PRR16: variants seen among roughly 807,000 people sequenced by gnomAD.
PRR16 encodes the protein protein Largen.
PRR16 carries 6 observed loss-of-function variants against 18.2 expected under a neutral mutation model. The observed-to-expected ratio is 0.33, with a 90% CI of 0.18 to 0.65. The LOEUF is 0.65. Ranked by LOEUF, PRR16 falls within the 30% of genes least tolerant of loss-of-function variation. The pLI is 0.74. For missense variants in PRR16, 412 were observed against 376.6 expected, an observed-to-expected ratio of 1.09 and a Z score of -0.78; for synonymous variants, 151 against 147.8, an observed-to-expected ratio of 1.02 and a Z score of -0.16.
At chr5:120,675,657 A>C (rs1214034203) in intron 1 of PRR16, among the ~76,000 whole-genome samples, 1 of 152,180 alleles carries the variant, frequency 6.6e-6, no homozygotes, top group African/African-American at 2.4e-5. Flanking sequence ...AGATGATCTG[A>C]GGAGGAAGAC....
chr5:120,505,280 T>C (rs1026197965), intron 1 of PRR16, among the ~76,000 whole-genome samples: 5 of 152,176 alleles, frequency 3.3e-5, no homozygotes, highest in African/African-American at 1.2e-4. Flanking sequence ...AGAAACAATT[T>C]CTAATGCATT....
chr5:120,686,453 G>A lies in PRR16; in HGVS notation c.659G>A (p.Cys220Tyr). 3 of 1,614,126 alleles carry A rather than the reference G, an allele frequency of 1.9e-6. No homozygotes were observed. In the South Asian group the frequency reaches 3.3e-5, roughly 18 times the overall value. Residue 220 changes from cysteine to tyrosine, a missense_variant, in exon 2 of 2, where the codon TGT becomes TAT. Coordinates refer to ENST00000407149, the MANE Select transcript of PRR16 (RefSeq NM_001300783.2). The stretch of plus-strand genomic sequence containing the variant: ...CAGTACCATGGCTATTGTCCTGACT[G>A]TGATACCCGGTATAACATAAAAAAC... ...KVQYHGYCPD[C>Y]DTRYNIKNRE...
chr5:120,625,814 TG>T (rs113108426), intron 1 of PRR16, among the ~76,000 whole-genome samples: 35,453 of 151,974 alleles, frequency 0.23, 5,640 homozygotes, highest in African/African-American at 0.45. Context: ...CGTGATGATC[TG>T]GTGCGTAGTT....
At chr5:120,582,935 T>A (rs1225371892) in intron 1 of PRR16, among the ~76,000 whole-genome samples, 1 of 152,142 alleles carries the variant, frequency 6.6e-6, no homozygotes, top group African/African-American at 2.4e-5. Context: ...TCTCTAACAG[T>A]TTGTGTGGGT....
chr5:120,697,178 T>A, the PRR16 span, among the ~76,000 whole-genome samples: 1 of 152,190 alleles, frequency 6.6e-6, no homozygotes, highest in South Asian at 2.1e-4. Context: ...TAAGAGGGAT[T>A]TCTGAGAGAC....
At chr5:120,677,047 A>T (rs1756821142) in intron 1 of PRR16, among the ~76,000 whole-genome samples, 1 of 152,248 alleles carries the variant, frequency 6.6e-6, no homozygotes. Context: ...TTTACCTTTC[A>T]GAAGATAACC....
At chr5:120,533,259 T>C (rs1310404113) in intron 1 of PRR16, among the ~76,000 whole-genome samples, 1 of 152,204 alleles carries the variant, frequency 6.6e-6, no homozygotes, top group East Asian at 1.9e-4. Context: ...CCACAAGAAA[T>C]ATTTATTGGG....
chr5:120,549,317 G>A (rs1752178749), intron 1 of PRR16, among the ~76,000 whole-genome samples: 1 of 151,944 alleles, frequency 6.6e-6, no homozygotes, highest in South Asian at 2.1e-4. Flanking sequence ...TAAACTCCTG[G>A]GCACAAGCCT....
chr5:120,767,907 G>A, the PRR16 span, among the ~76,000 whole-genome samples: 6 of 151,644 alleles, frequency 4.0e-5, no homozygotes, highest in African/African-American at 1.5e-4. Context: ...CCACTTTTAT[G>A]ATATATCAAT....
At chr5:120,784,810 A>G in the PRR16 span, among the ~76,000 whole-genome samples, 37 of 152,304 alleles carry the variant, frequency 2.4e-4, no homozygotes, top group Non-Finnish European at 5.1e-4. Context: ...AATGACATTG[A>G]ACATCTTATT....
intron 1 of PRR16, among the ~76,000 whole-genome samples, chr5:120,528,147 G>A (rs56124912): frequency 0.17 from 25,904 of 152,126 alleles, 2,669 homozygotes; most frequent in African/African-American, 0.29. Context: ...AGTGTCATTT[G>A]CCTGATGCTG....
At chr5:120,500,989 A>G (rs1561519334) in intron 1 of PRR16, among the ~76,000 whole-genome samples, 1 of 152,016 alleles carries the variant, frequency 6.6e-6, no homozygotes, top group African/African-American at 2.4e-5. Context: ...CAGAATACTT[A>G]AAAAAGGAAG....
the PRR16 span, among the ~76,000 whole-genome samples, chr5:120,743,032 CTTTAA>C: frequency 6.6e-6 from 1 of 152,160 alleles, no homozygotes; most frequent in Non-Finnish European, 1.5e-5. Context: ...ATCTAAAAAT[CTTTAA>C]TTTAATTGCA....
intron 1 of PRR16, among the ~76,000 whole-genome samples, chr5:120,555,595 G>C (rs1468064507): frequency 1.3e-5 from 2 of 151,724 alleles, no homozygotes; most frequent in African/African-American, 4.8e-5. Context: ...ATCATGGAAG[G>C]AGGGGGCCGT....
chr5:120,543,350 G>A (rs1751975819), intron 1 of PRR16, among the ~76,000 whole-genome samples: 1 of 152,088 alleles, frequency 6.6e-6, no homozygotes, highest in African/African-American at 2.4e-5. Context: ...CTTAACTGAT[G>A]CAGTAATTTT....
intron 1 of PRR16, among the ~76,000 whole-genome samples, chr5:120,566,638 C>T (rs914124494): frequency 2.6e-5 from 4 of 152,162 alleles, no homozygotes; most frequent in Non-Finnish European, 4.4e-5. Context: ...AAGGGAGAAA[C>T]GGAAACACTT....
chr5:120,597,610 G>A (rs1753855707), intron 1 of PRR16, among the ~76,000 whole-genome samples: 1 of 151,748 alleles, frequency 6.6e-6, no homozygotes, highest in Non-Finnish European at 1.5e-5. Context: ...GTCCCTATCA[G>A]TATGGGTGTA....
chr5:120,769,882 AT>A, the PRR16 span, among the ~76,000 whole-genome samples: 2 of 151,686 alleles, frequency 1.3e-5, no homozygotes, highest in African/African-American at 4.8e-5. Flanking sequence ...TTTTCTTTTG[AT>A]TTTTTAATAA....
chr5:120,741,762 G>C, the PRR16 span, among the ~76,000 whole-genome samples: 1 of 151,860 alleles, frequency 6.6e-6, no homozygotes, highest in Non-Finnish European at 1.5e-5. Flanking sequence ...CACCAAGCCC[G>C]ACTAATTTTT....
Sources: gnomAD v4.1 joint callset for allele counts (sites outside exome capture counted in the v4.1 genomes callset) on GRCh38, gnomAD v4.1.1 for gene constraint, MANE v1.5 for transcripts, NCBI Gene and HGNC (gene_info 2026-07-23, HGNC 2026-07-21) for gene names.